Variants in LRRTM4 observed in about 807,000 individuals in gnomAD.
The protein encoded by LRRTM4 is leucine-rich repeat transmembrane neuronal protein 4.
A neutral mutation model predicts 47.6 loss-of-function variants in LRRTM4; 25 were observed. The ratio of observed to expected loss-of-function variants is 0.53; its 90% confidence interval spans 0.38 to 0.73. LRRTM4 has a LOEUF of 0.73. Ranked by LOEUF, LRRTM4 falls within the 30% of genes least tolerant of loss-of-function variation. The pLI is 0.00. For missense variants in LRRTM4, 638 were observed against 713.4 expected (o/e 0.89, Z 1.20); for synonymous variants, 311 against 269.5 (o/e 1.15, Z -1.51).
intron 3 of LRRTM4, among the ~76,000 whole-genome samples, chr2:77,463,453 C>T (rs1016092270): frequency 6.6e-6 from 1 of 152,004 alleles, no homozygotes; most frequent in African/African-American, 2.4e-5. Flanking sequence ...AAATTTTCCT[C>T]ATGTTCATAA....
chr2:77,192,316 C>T lies in LRRTM4; in HGVS notation c.1551+326002G>A, dbSNP rs1338379671. On this transcript the variant is annotated intron_variant, in intron 3 of 3. Coordinates refer to ENST00000409884, the MANE Select transcript of LRRTM4 (RefSeq NM_001134745.3). ...TGACCAGAATGTTAACTTAGGCAAA[C>T]TTTCTTGTCTCAGTTTAGTTTGTTA... Among the ~76,000 whole-genome samples, 8 of 152,064 alleles carry T rather than the reference C, an allele frequency of 5.3e-5. No individual in the cohort carries two copies. The South Asian group carries it at 1.2e-3, about 24-fold the overall frequency.
intron 3 of LRRTM4, among the ~76,000 whole-genome samples, chr2:77,024,256 C>T (rs12618378): frequency 0.22 from 33,613 of 152,058 alleles, 4,225 homozygotes; most frequent in East Asian, 0.41. Context: ...CAAACCATAT[C>T]ACCATGGTAA....
At chr2:77,348,024 T>TACAC (rs10597438) in intron 3 of LRRTM4, among the ~76,000 whole-genome samples, 262 of 148,536 alleles carry the variant, frequency 1.8e-3, no homozygotes, top group South Asian at 3.6e-3. Context: ...AAAACACAAG[T>TACAC]ACACACACAC....
intron 3 of LRRTM4, among the ~76,000 whole-genome samples, chr2:77,387,397 A>G (rs554389069): frequency 6.6e-6 from 1 of 152,272 alleles, no homozygotes; most frequent in South Asian, 2.1e-4. Context: ...TCTTCTGAGC[A>G]AAGGGCAGGC....
chr2:77,362,136 A>AGAAT (rs1558707313), intron 3 of LRRTM4, among the ~76,000 whole-genome samples: 13 of 129,156 alleles, frequency 1.0e-4, no homozygotes, highest in Non-Finnish European at 1.6e-4. Context: ...AAAGAAAGAA[A>AGAAT]GAAAGAAAGA....
chr2:77,398,274 G>T (rs290024), intron 3 of LRRTM4, among the ~76,000 whole-genome samples: 70,269 of 151,646 alleles, frequency 0.46, 16,501 homozygotes, highest in East Asian at 0.61. Flanking sequence ...TAATACATAA[G>T]AATGCTAAAA....
chr2:77,024,002 G>T (rs1033110918), intron 3 of LRRTM4, among the ~76,000 whole-genome samples: 12 of 152,166 alleles, frequency 7.9e-5, no homozygotes, highest in African/African-American at 2.9e-4. Context: ...TGGCTGGGGA[G>T]GCCTCAGTAT....
intron 3 of LRRTM4, among the ~76,000 whole-genome samples, chr2:76,863,309 G>C (rs1296535655): frequency 6.6e-6 from 1 of 152,136 alleles, no homozygotes; most frequent in African/African-American, 2.4e-5. Flanking sequence ...TTGCTTATTT[G>C]AGGAAAGTAT....
chr2:77,181,435 G>C (rs1673343919), intron 3 of LRRTM4, among the ~76,000 whole-genome samples: 1 of 152,074 alleles, frequency 6.6e-6, no homozygotes, highest in African/African-American at 2.4e-5. Flanking sequence ...ACTGAATATT[G>C]TGGAGCAAAA....
At chr2:77,189,755 A>G (rs963508015) in intron 3 of LRRTM4, among the ~76,000 whole-genome samples, 1 of 151,776 alleles carries the variant, frequency 6.6e-6, no homozygotes, top group Non-Finnish European at 1.5e-5. Flanking sequence ...TATACTTTAT[A>G]TGTATATATA....
intron 3 of LRRTM4, among the ~76,000 whole-genome samples, chr2:76,908,356 G>A (rs970749114): frequency 4.6e-5 from 7 of 151,920 alleles, no homozygotes; most frequent in Admixed American, 3.9e-4. Flanking sequence ...AATCATAAGA[G>A]CTATCTATGA....
chr2:77,081,525 G>A (rs1005840707), intron 3 of LRRTM4, among the ~76,000 whole-genome samples: 1 of 151,948 alleles, frequency 6.6e-6, no homozygotes, highest in Non-Finnish European at 1.5e-5. Flanking sequence ...TGTGCACATA[G>A]AGGTAAACAT....
intron 3 of LRRTM4, among the ~76,000 whole-genome samples, chr2:77,414,176 A>T (rs751729732): frequency 6.6e-6 from 1 of 151,792 alleles, no homozygotes; most frequent in South Asian, 2.1e-4. Context: ...TTCTTCCTGT[A>T]TATCTCTCTC....
chr2:77,488,182 C>T (rs1046285228), intron 3 of LRRTM4, among the ~76,000 whole-genome samples: 1 of 152,132 alleles, frequency 6.6e-6, no homozygotes, highest in African/African-American at 2.4e-5. Context: ...CTTTGGGGCT[C>T]TTCAGTACCT....
intron 3 of LRRTM4, among the ~76,000 whole-genome samples, chr2:77,295,361 T>C (rs1676940232): frequency 6.6e-6 from 1 of 152,128 alleles, no homozygotes; most frequent in Admixed American, 6.6e-5. Context: ...CAAAGTTATA[T>C]TTTTCCCTTA....
intron 3 of LRRTM4, among the ~76,000 whole-genome samples, chr2:77,441,897 T>G (rs1304845366): frequency 1.3e-5 from 2 of 152,156 alleles, no homozygotes; most frequent in Non-Finnish European, 2.9e-5. Flanking sequence ...CTGGATATGG[T>G]CAAAAGTCTT....
intron 3 of LRRTM4, among the ~76,000 whole-genome samples, chr2:77,041,182 T>C (rs1325282760): frequency 6.6e-6 from 1 of 151,596 alleles, no homozygotes; most frequent in Non-Finnish European, 1.5e-5. Flanking sequence ...TATTTGTCAT[T>C]CTGTGCTTGC....
chr2:77,491,551 C>T (rs750404571), intron 3 of LRRTM4, among the ~76,000 whole-genome samples: 1 of 151,722 alleles, frequency 6.6e-6, no homozygotes, highest in Admixed American at 6.6e-5. Flanking sequence ...CGTAGTAATA[C>T]GATGGGGCAA....
At chr2:76,834,019 ATTATTTAT>A (rs10644834) in intron 3 of LRRTM4, among the ~76,000 whole-genome samples, 3,893 of 140,510 alleles carry the variant, frequency 0.028, 171 homozygotes, top group East Asian at 0.083. Context: ...TCATTTATTT[ATTATTTAT>A]TTATTTATTT....
Sources: allele counts gnomAD v4.1 joint callset (sites outside exome capture counted in the v4.1 genomes callset), GRCh38; gene constraint gnomAD v4.1.1; transcripts MANE v1.5; gene names NCBI Gene and HGNC (gene_info 2026-07-23, HGNC 2026-07-21).